Variants in NUDT9 observed in about 807,000 individuals in gnomAD.
NUDT9 encodes the protein ADP-ribose pyrophosphatase.
NUDT9 carries 31 observed loss-of-function variants against 41.0 expected under a neutral mutation model. The observed-to-expected ratio is 0.76, with a 90% CI of 0.57 to 1.02. NUDT9 has a LOEUF of 1.02. Ranked by LOEUF, NUDT9 falls within the 50% of genes least tolerant of loss-of-function variation. The probability of loss-of-function intolerance (pLI) is 0.00; values close to 1 mark genes in which losing one functional copy is unlikely to be tolerated. For missense variants in NUDT9, 380 were observed against 431.4 expected (o/e 0.88, Z 1.06); for synonymous variants, 146 against 147.6 (o/e 0.99, Z 0.08).
intron 4 of NUDT9, among the ~76,000 whole-genome samples, chr4:87,445,129 GA>G (rs1311603369): frequency 6.6e-6 from 1 of 152,092 alleles, no homozygotes; most frequent in Non-Finnish European, 1.5e-5. Context: ...GTTTTTCACA[GA>G]AGCCCCTCCA....
chr4:87,431,208 C>G (rs1180433432), intron 1 of NUDT9, among the ~76,000 whole-genome samples: 2 of 152,200 alleles, frequency 1.3e-5, no homozygotes, highest in Admixed American at 1.3e-4. Context: ...TGCCCTTTCC[C>G]TGTTGAAATG....
At chr4:87,448,170 AGT>A (rs1722548809) in intron 4 of NUDT9, among the ~76,000 whole-genome samples, 2 of 103,490 alleles carry the variant, frequency 1.9e-5, no homozygotes, top group South Asian at 6.8e-4. Context: ...TTTGAGATGG[AGT>A]CTCACTCTGT....
chr4:87,453,681 G>A (rs1000310408), intron 6 of NUDT9, among the ~76,000 whole-genome samples: 6 of 151,926 alleles, frequency 3.9e-5, no homozygotes, highest in East Asian at 1.9e-4. Context: ...GCCCACCTCC[G>A]CCTCCCAAAG....
At chr4:87,437,545 T>C (rs1722004636) in intron 2 of NUDT9, among the ~76,000 whole-genome samples, 2 of 151,678 alleles carry the variant, frequency 1.3e-5, no homozygotes, top group Non-Finnish European at 2.9e-5. Context: ...GGTTCCACCA[T>C]GTTAGCCAGG....
chr4:87,447,799 C>T (rs992324274), intron 4 of NUDT9, among the ~76,000 whole-genome samples: 3 of 151,724 alleles, frequency 2.0e-5, no homozygotes, highest in Non-Finnish European at 4.4e-5. Flanking sequence ...TTTGGGATGC[C>T]GAGGTGGGAG....
intron 1 of NUDT9, among the ~76,000 whole-genome samples, chr4:87,430,920 A>G (rs1721658614): frequency 6.6e-6 from 1 of 152,024 alleles, no homozygotes; most frequent in Non-Finnish European, 1.5e-5. Context: ...TGATACCCAG[A>G]AGTTTTTCAT....
At chr4:87,442,756 A>G (rs1261462176) in intron 4 of NUDT9, among the ~76,000 whole-genome samples, 2 of 152,180 alleles carry the variant, frequency 1.3e-5, no homozygotes, top group East Asian at 1.9e-4. Flanking sequence ...ACATTAGCCT[A>G]TGGCTATACA....
chr4:87,429,189 T>G (rs964808678), intron 1 of NUDT9, among the ~76,000 whole-genome samples: 3 of 152,212 alleles, frequency 2.0e-5, no homozygotes, highest in Non-Finnish European at 4.4e-5. Flanking sequence ...TCTCACTATG[T>G]TGCCCAGGCT....
At chr4:87,442,115 G>GT (rs1722228711) in intron 4 of NUDT9, among the ~76,000 whole-genome samples, 200 bp downstream of exon 4, 1 of 152,154 alleles carries the variant, frequency 6.6e-6, no homozygotes, top group Admixed American at 6.5e-5. Context: ...TGATTTTGTT[G>GT]TTGTGTGAAC....
In NUDT9 at chr4:87,457,910, C is replaced by T. The variant is rs1723057880; in HGVS notation, c.942C>T (p.Ile314=). The T allele has an allele frequency of 1.9e-6, 3 of 1,608,610 alleles. No individual in the cohort carries two copies. Among genetic ancestry groups the T allele is most frequent in the African/African-American group, 2.7e-5 (2 of 74,322 alleles). ...CTGGAAAAGTGAAATGGGTGGACATCAATGATAAACTGAAGCTTTATGCCA... is the reference window on the plus strand; with the variant it reads ...CTGGAAAAGTGAAATGGGTGGACATTAATGATAAACTGAAGCTTTATGCCA... The part of the protein sequence containing the change: ...DDAGKVKWVD[I]NDKLKLYASH... The change falls in exon 8 of 8, where the codon ATC becomes ATT. Residue 314 remains isoleucine (I), a synonymous_variant. Transcript: ENST00000302174.
At chr4:87,451,788 A>G in intron 6 of NUDT9, 53 bp downstream of exon 6, 1 of 1,503,658 alleles carries the variant, frequency 6.7e-7, no homozygotes, top group South Asian at 1.2e-5. Flanking sequence ...GATGAAAATG[A>G]CTTAAAAGTT....
chr4:87,450,692 T>C (rs772299689), intron 5 of NUDT9, among the ~76,000 whole-genome samples: 1 of 152,212 alleles, frequency 6.6e-6, no homozygotes, highest in Non-Finnish European at 1.5e-5. Context: ...TAGGCTAATT[T>C]CTATGAGCCA....
rs1297012402 is a variant in NUDT9 at position 87,459,314 on chromosome 4, A to G, written c.*1293A>G. Reference sequence around the variant, plus strand: ...GGGAGGAGGGAGAGGATCAGGAAAAATAACTAATGAGTACTAGGCTTAATA... The same window carrying G: ...GGGAGGAGGGAGAGGATCAGGAAAAGTAACTAATGAGTACTAGGCTTAATA... On this transcript the variant is annotated 3_prime_UTR_variant, in exon 8 of 8. Transcript: ENST00000302174. 6.6e-6 allele frequency: 1 copy of G among 152,224 alleles called. No individual in the cohort carries two copies. The highest frequency in any genetic ancestry group is 1.5e-5 in the Non-Finnish European group (1 of 68,042). The allele number at this position is 152,224 out of a possible 1,614,324, so 9.4% of individuals were successfully genotyped here.
intron 3 of NUDT9, among the ~76,000 whole-genome samples, chr4:87,439,279 A>C (rs1435394681): frequency 2.0e-5 from 3 of 152,170 alleles, no homozygotes; most frequent in Non-Finnish European, 4.4e-5. Flanking sequence ...TCATGGTGGA[A>C]GGCAAGAGAG....
At chr4:87,432,047 A>T (rs1016230731) in intron 1 of NUDT9, among the ~76,000 whole-genome samples, 2 of 152,188 alleles carry the variant, frequency 1.3e-5, no homozygotes, top group Non-Finnish European at 2.9e-5. Flanking sequence ...ACTTTGCTGA[A>T]TTCATTTATT....
chr4:87,423,942 C>T (rs891837788), intron 1 of NUDT9, among the ~76,000 whole-genome samples: 2 of 152,306 alleles, frequency 1.3e-5, no homozygotes, highest in Non-Finnish European at 2.9e-5. Context: ...AGCAACTTCT[C>T]TGCTGAGTAT....
chr4:87,427,897 G>A (rs986016631), intron 1 of NUDT9, among the ~76,000 whole-genome samples: 5 of 152,190 alleles, frequency 3.3e-5, no homozygotes, highest in Non-Finnish European at 7.3e-5. Context: ...TTTGATAAAT[G>A]TGTTTCATAT....
At chr4:87,442,744 A>G (rs1292768344) in intron 4 of NUDT9, among the ~76,000 whole-genome samples, 1 of 152,184 alleles carries the variant, frequency 6.6e-6, no homozygotes, top group Non-Finnish European at 1.5e-5. Context: ...ACACAAACAC[A>G]CACATTAGCC....
rs762349669 is a variant in NUDT9 at position 87,454,434 on chromosome 4, G to A, written c.853G>A (p.Val285Met). ...TDNAWMETEA[V>M]NYHDETGEIM... ...TAATGCATGGATGGAGACAGAAGCT[G>A]TGAACTACCATGACGAAACAGGTAA... is the stretch of plus-strand genomic sequence containing the variant. Residue 285 changes from valine (V) to methionine (M), a missense_variant, in exon 7 of 8, where the codon GTG (valine) becomes ATG (methionine). Val to Met is a conservative substitution (Grantham distance 21). Transcript: ENST00000302174. The A allele has an allele frequency of 6.2e-7, 1 of 1,608,682 alleles. No homozygotes were observed. Among genetic ancestry groups the A allele is most frequent in the Admixed American group, 1.7e-5 (1 of 60,018 alleles).
Sources: gnomAD v4.1 joint callset for allele counts (sites outside exome capture counted in the v4.1 genomes callset) on GRCh38, gnomAD v4.1.1 for gene constraint, MANE v1.5 for transcripts, NCBI Gene and HGNC (gene_info 2026-07-23, HGNC 2026-07-21) for gene names.